Variants in PDSS2 observed in about 807,000 individuals in gnomAD.
PDSS2 encodes all trans-polyprenyl-diphosphate synthase PDSS2.
A neutral mutation model predicts 44.5 loss-of-function variants in PDSS2; 31 were observed. The observed-to-expected ratio is 0.70, with a 90% CI of 0.52 to 0.94. The LOEUF (loss-of-function observed/expected upper bound fraction) is 0.94, where lower values mean the gene tolerates loss of function less well. Ranked by LOEUF, PDSS2 falls within the 40% of genes least tolerant of loss-of-function variation. The pLI is 0.00. For synonymous variants in PDSS2, 157 were observed against 180.3 expected (o/e 0.87, Z 1.03); for missense variants, 452 against 482.2 (o/e 0.94, Z 0.59).
chr6:107,355,678 C>G (rs987616843), intron 1 of PDSS2, among the ~76,000 whole-genome samples: 16 of 152,152 alleles, frequency 1.1e-4, no homozygotes, highest in African/African-American at 3.6e-4. Context: ...GTACTTGCAG[C>G]GTGGAAAACC....
At chr6:107,274,347 T>A (rs1775704367) in intron 2 of PDSS2, 120 bp from the exon 3 acceptor site, 1 of 760,658 alleles carries the variant, frequency 1.3e-6, no homozygotes, top group Non-Finnish European at 2.3e-6. Context: ...TTTTTTGGAT[T>A]ATATCTTTCT....
intron 4 of PDSS2, among the ~76,000 whole-genome samples, chr6:107,223,266 A>T (rs1030863012): frequency 6.6e-6 from 1 of 150,912 alleles, no homozygotes; most frequent in Non-Finnish European, 1.5e-5. Context: ...ATGGTGGCTC[A>T]TGCCTATAAT....
At chr6:107,183,951 A>T (rs1772075729) in intron 7 of PDSS2, among the ~76,000 whole-genome samples, 1 of 152,120 alleles carries the variant, frequency 6.6e-6, no homozygotes, top group African/African-American at 2.4e-5. Flanking sequence ...GTGAGCCAAG[A>T]TTCCACCACT....
chr6:107,347,256 C>CTTTTT (rs35184119), intron 1 of PDSS2, among the ~76,000 whole-genome samples: 54 of 90,004 alleles, frequency 6.0e-4, no homozygotes, highest in African/African-American at 1.4e-3. Flanking sequence ...ATTATATCTT[C>CTTTTT]TTTTTTTTTT....
At chr6:107,157,852 T>C (rs1294142850) in intron 7 of PDSS2, among the ~76,000 whole-genome samples, 2 of 152,020 alleles carry the variant, frequency 1.3e-5, no homozygotes, top group East Asian at 3.9e-4. Context: ...TTTGTATTTT[T>C]AGTAGAGACG....
At chr6:107,371,785 T>G (rs1779135112) in intron 1 of PDSS2, among the ~76,000 whole-genome samples, 1 of 152,186 alleles carries the variant, frequency 6.6e-6, no homozygotes, top group Non-Finnish European at 1.5e-5. Flanking sequence ...ATTAACTAAA[T>G]TAAATAATTT....
At chr6:107,308,031 T>C (rs1426921452) in intron 2 of PDSS2, among the ~76,000 whole-genome samples, 1 of 152,160 alleles carries the variant, frequency 6.6e-6, no homozygotes, top group Non-Finnish European at 1.5e-5. Context: ...TAATACCAAA[T>C]GGTTCACAAA....
chr6:107,266,285 C>T (rs1234498597), intron 3 of PDSS2, among the ~76,000 whole-genome samples: 1 of 151,948 alleles, frequency 6.6e-6, no homozygotes, highest in Non-Finnish European at 1.5e-5. Flanking sequence ...TCATCTATTA[C>T]GATTAAAAGA....
intron 3 of PDSS2, among the ~76,000 whole-genome samples, chr6:107,273,080 G>A (rs963696919): frequency 6.6e-6 from 1 of 152,090 alleles, no homozygotes; most frequent in African/African-American, 2.4e-5. Flanking sequence ...TGCCTCCCGG[G>A]TTCAAGCGAT....
intron 1 of PDSS2, among the ~76,000 whole-genome samples, chr6:107,428,907 T>G (rs1005231822): frequency 3.9e-5 from 6 of 152,218 alleles, no homozygotes; most frequent in Non-Finnish European, 5.9e-5. Context: ...GGAACACTTA[T>G]ACCTAAATTA....
chr6:107,347,145 G>A (rs1044169468), intron 1 of PDSS2, among the ~76,000 whole-genome samples: 1 of 152,160 alleles, frequency 6.6e-6, no homozygotes, highest in African/African-American at 2.4e-5. Flanking sequence ...TGGAAATGAG[G>A]ACCTGCATGG....
At position 107,350,392 on chromosome 6, in the gene PDSS2, C is replaced by A. The variant is rs1380340098; in HGVS notation, c.297-16060G>T. Among the ~76,000 whole-genome samples, 7 of 84,338 alleles carry A rather than the reference C, an allele frequency of 8.3e-5. No individual in the cohort carries two copies. The Admixed American group carries it at 9.2e-4, about 11-fold the overall frequency. The allele number at this position is 84,338 out of a possible 152,430, so 55.3% of individuals were successfully genotyped here. ...TATGGCATCATTAGCTCAATAAAAACAAAACAAATCAAAAAATAAATTGAG... is the reference window on the plus strand; with the variant it reads ...TATGGCATCATTAGCTCAATAAAAAAAAAACAAATCAAAAAATAAATTGAG... On this transcript the variant is annotated intron_variant, in intron 1 of 7. Transcript: ENST00000369037.
intron 6 of PDSS2, among the ~76,000 whole-genome samples, chr6:107,196,424 C>T (rs1343828876): frequency 2.0e-5 from 3 of 152,214 alleles, no homozygotes; most frequent in African/African-American, 7.2e-5. Context: ...TCTTTCAGTT[C>T]TCAAACTCGC....
rs1781251126 is a variant in PDSS2 at position 107,433,294 on chromosome 6, A to G, written c.296+25696T>C. 2.0e-5 allele frequency among the ~76,000 whole-genome samples: 3 copies of G among 152,096 alleles called. No homozygotes were observed. The South Asian group carries it at 6.2e-4, about 32-fold the overall frequency. ...AACCCTAAAATTTATATGGAACCACAAAAGACCCAAATAGCCAAGGCCATC... is the reference window on the plus strand; with the variant it reads ...AACCCTAAAATTTATATGGAACCACGAAAGACCCAAATAGCCAAGGCCATC... On this transcript the variant is annotated intron_variant, in intron 1 of 7. Transcript: ENST00000369037.
At chr6:107,259,133 C>A (rs566971937) in intron 3 of PDSS2, among the ~76,000 whole-genome samples, 1 of 152,146 alleles carries the variant, frequency 6.6e-6, no homozygotes, top group African/African-American at 2.4e-5. Flanking sequence ...CAGTGCCTAC[C>A]GTATAGTAAG....
intron 3 of PDSS2, among the ~76,000 whole-genome samples, chr6:107,269,201 C>T (rs1562422017): frequency 6.6e-6 from 1 of 152,104 alleles, no homozygotes; most frequent in South Asian, 2.1e-4. Context: ...GGATTATAAG[C>T]GTGAGCCACT....
chr6:107,224,395 G>A lies in PDSS2; in HGVS notation c.703-12113C>T, dbSNP rs568143304. Among the ~76,000 whole-genome samples the A allele has an allele frequency of 1.9e-4, 29 of 151,514 alleles. No individual in the cohort carries two copies. In the East Asian group the frequency reaches 4.6e-3, roughly 24 times the overall value. On this transcript the variant is annotated intron_variant, in intron 4 of 7. Transcript: ENST00000369037. ...CACTGAGCTCCTAGGAAAGACCCACGTAGAAGTGGGAGTTGTTTCCTCTAG... is the reference window on the plus strand; with the variant it reads ...CACTGAGCTCCTAGGAAAGACCCACATAGAAGTGGGAGTTGTTTCCTCTAG...
chr6:107,285,719 C>T (rs940485897), intron 2 of PDSS2, among the ~76,000 whole-genome samples: 1 of 152,122 alleles, frequency 6.6e-6, no homozygotes, highest in Non-Finnish European at 1.5e-5. Context: ...TAGATAAAAA[C>T]ATATTTAAAT....
At chr6:107,457,639 G>C (rs759256714) in intron 1 of PDSS2, among the ~76,000 whole-genome samples, 2 of 152,092 alleles carry the variant, frequency 1.3e-5, no homozygotes, top group Non-Finnish European at 2.9e-5. Context: ...CCCCAGTTGA[G>C]AACCAGTGCT....
Sources: allele counts gnomAD v4.1 joint callset (sites outside exome capture counted in the v4.1 genomes callset), GRCh38; gene constraint gnomAD v4.1.1; transcripts MANE v1.5; gene names NCBI Gene and HGNC (gene_info 2026-07-23, HGNC 2026-07-21).